Variants in ALKBH6 observed in about 807,000 individuals in gnomAD.
ALKBH6 encodes the protein alkB homolog 6, nucleotide demethylase.
A neutral mutation model predicts 25.1 loss-of-function variants in ALKBH6; 20 were observed. The observed-to-expected ratio is 0.80, with a 90% CI of 0.56 to 1.16. The LOEUF is 1.16. Ranked by LOEUF, ALKBH6 falls within the 50% of genes most tolerant of loss-of-function variation. The pLI is 0.00. For missense variants in ALKBH6, 263 were observed against 326.5 expected (o/e 0.81, Z 1.50); for synonymous variants, 156 against 147.5 (o/e 1.06, Z -0.42).
chr19:36,013,553 G>C lies in ALKBH6; in HGVS notation c.-25-131C>G. ...GAAACGCACTTGGTCTCTAAAATCT[G>C]AGTCTTCAGCATCTTACAAGCCACA... On this transcript the variant is annotated intron_variant, in intron 1 of 6. Transcript: ENST00000378875. The surrounding 1 kb of genome is among the most constrained non-coding windows in gnomAD (Gnocchi z 4.6). 1.4e-6 allele frequency: 2 copies of C among 1,469,518 alleles called. No individual in the cohort carries two copies. The highest frequency in any genetic ancestry group is 1.8e-6 in the Non-Finnish European group (2 of 1,113,344). 91.0% of individuals were successfully genotyped at this position (1,469,518 alleles called of 1,614,324 possible).
At position 36,009,415 on chromosome 19, in the gene ALKBH6, G is replaced by A; in HGVS notation, c.592C>T (p.Pro198Ser). The A allele has an allele frequency of 8.0e-7, 1 of 1,246,204 alleles. No homozygotes were observed. Among genetic ancestry groups the A allele is most frequent in the Non-Finnish European group, 1.0e-6 (1 of 996,726 alleles). The allele number at this position is 1,246,204 out of a possible 1,614,324, so 77.2% of individuals were successfully genotyped here. Residue 198 changes from proline to serine, a missense_variant, in exon 7 of 7, where the codon CCG becomes TCG. By Grantham distance (74) the Pro-to-Ser change is moderately conservative. Around this residue, in one of 3 missense-constraint regions of ALKBH6, gnomAD observed 148 missense variants for 157.5 expected, o/e 0.94. Coordinates refer to ENST00000378875, the MANE Select transcript of ALKBH6 (RefSeq NM_032878.5). ...RVDALDAASS[P>S]PNAAACPSAR... ...GACGGGCAGGCTGCCGCATTGGGCGGCGAGGAGGCGGCGTCCAGCGCGTCT... is the reference window on the plus strand; with the variant it reads ...GACGGGCAGGCTGCCGCATTGGGCGACGAGGAGGCGGCGTCCAGCGCGTCT...
At position 36,009,236 on chromosome 19, in the gene ALKBH6, A is replaced by G; in HGVS notation, c.*54T>C. The G allele has an allele frequency of 7.9e-7, 1 of 1,272,424 alleles. No homozygotes were observed. The highest frequency in any genetic ancestry group is 3.2e-5 in the East Asian group (1 of 31,700). 78.8% of individuals were successfully genotyped at this position (1,272,424 alleles called of 1,614,324 possible). A position where few individuals can be genotyped will look rare whatever the true frequency, so the allele number is the denominator to read the frequency against. ...CACGGTTCCTAGGTCGCGGAGTCAC[A>G]GCAGCCCCAAAGGGGCAGGAACCTG... On this transcript the variant is annotated 3_prime_UTR_variant, in exon 7 of 7. Transcript: ENST00000378875.
intron 3 of ALKBH6, chr19:36,011,887 A>G (rs1968620636): frequency 1.3e-5 from 2 of 158,886 alleles, no homozygotes; most frequent in African/African-American, 4.8e-5. Flanking sequence ...GGAGCTCGAG[A>G]CCAGCCTGGC....
At chr19:36,011,093 C>A (rs1474373696) in intron 4 of ALKBH6, 48 bp from the exon 5 acceptor site, 3 of 1,554,252 alleles carry the variant, frequency 1.9e-6, no homozygotes, top group Non-Finnish European at 1.7e-6. Context: ...GCAATAGATC[C>A]CCCATTAGGG....
Position 36,010,660 on chromosome 19 carries a change from G to C in ALKBH6, c.360C>G (p.Tyr120Ter). Residue 120 changes from tyrosine to a stop codon, truncating the protein, a stop_gained, in exon 6 of 7, where the codon TAC becomes TAG. Coordinates refer to ENST00000378875, the MANE Select transcript of ALKBH6 (RefSeq NM_032878.5). LOFTEE classifies it high-confidence loss of function. The surrounding 1 kb of genome is among the most constrained non-coding windows in gnomAD (Gnocchi z 5.5). ...GIMPHEDGPL[Y>*]YPTVSTISLG... ...GGCTGATGGTGCTGACAGTCGGGTA[G>C]TACAGTGGTCCGTCCTCGTGGGGCT... The C allele has an allele frequency of 1.2e-6, 2 of 1,614,030 alleles. No individual in the cohort carries two copies. Among genetic ancestry groups the C allele is most frequent in the Non-Finnish European group, 1.7e-6 (2 of 1,179,934 alleles).
Position 36,009,214 on chromosome 19 carries a change from G to T in ALKBH6, c.*76C>A, listed in dbSNP as rs528694221. On this transcript the variant is annotated 3_prime_UTR_variant, in exon 7 of 7. Transcript: ENST00000378875. ...ACCCAGGGGAGCCCCCTTTGCCCACGGTTCCTAGGTCGCGGAGTCACAGCA... is the reference window on the plus strand; with the variant it reads ...ACCCAGGGGAGCCCCCTTTGCCCACTGTTCCTAGGTCGCGGAGTCACAGCA... 11 of 1,242,516 alleles carry T rather than the reference G, an allele frequency of 8.9e-6. No homozygotes were observed. Among genetic ancestry groups the T allele is most frequent in the Non-Finnish European group, 1.1e-5 (11 of 993,862 alleles). 77.0% of individuals were successfully genotyped at this position (1,242,516 alleles called of 1,614,324 possible).
In ALKBH6 at chr19:36,013,533, G is replaced by A; in HGVS notation, c.-25-111C>T. ...CCTCACCTCAGCCCTCTTCTGAAAC[G>A]CACTTGGTCTCTAAAATCTGAGTCT... On this transcript the variant is annotated intron_variant, in intron 1 of 6. Transcript: ENST00000378875. The surrounding 1 kb of genome is among the most constrained non-coding windows in gnomAD (Gnocchi z 4.6). 3 of 1,506,332 alleles carry A rather than the reference G, an allele frequency of 2.0e-6. No homozygotes were observed. The highest frequency in any genetic ancestry group is 1.8e-6 in the Non-Finnish European group (2 of 1,130,214). The allele number at this position is 1,506,332 out of a possible 1,614,324, so 93.3% of individuals were successfully genotyped here.
intron 4 of ALKBH6, 108 bp downstream of exon 4, chr19:36,011,296 C>A (rs1453951414): frequency 2.9e-6 from 4 of 1,392,266 alleles, no homozygotes; most frequent in Non-Finnish European, 2.0e-6. Flanking sequence ...GCTCTTGGGG[C>A]CCCTTGAGCT....
chr19:36,013,270 A>AG lies in ALKBH6; in HGVS notation c.54+73dup. Reference sequence around the variant, plus strand: ...TGACAGTAAGAATGAATTTGGTGGAAGGGGGCAGTCCCAACCCAAGAACTC... The same window carrying AG: ...TGACAGTAAGAATGAATTTGGTGGAAGGGGGGCAGTCCCAACCCAAGAACTC... On this transcript the variant is annotated intron_variant, in intron 2 of 6. Coordinates refer to ENST00000378875, the MANE Select transcript of ALKBH6 (RefSeq NM_032878.5). The surrounding 1 kb of genome is among the most constrained non-coding windows in gnomAD (Gnocchi z 4.6). 1 of 1,578,980 alleles carries AG rather than the reference A, an allele frequency of 6.3e-7. No homozygotes were observed. Among genetic ancestry groups the AG allele is most frequent in the South Asian group, 1.1e-5 (1 of 89,940 alleles).
chr19:36,010,940 GC>G lies in ALKBH6; in HGVS notation c.289del (p.Ala97LeufsTer6). The part of the protein sequence containing the change: ...SNLSLFGGLP[A>X]NHVLVNQYLP... ...ATACTGGTTCACGAGGACATGGTTA[GC>G]TGGGAGGCCTCCAAAGAGGCTGAGG... On this transcript the variant is annotated frameshift_variant, in exon 5 of 7. Coordinates refer to ENST00000378875, the MANE Select transcript of ALKBH6 (RefSeq NM_032878.5). LOFTEE classifies it high-confidence loss of function. This position sits in a 1 kb window ranked among gnomAD's most constrained non-coding sequence, Gnocchi z 5.5. 1 of 1,614,096 alleles carries G rather than the reference GC, an allele frequency of 6.2e-7. No homozygotes were observed. Among genetic ancestry groups the G allele is most frequent in the Non-Finnish European group, 8.5e-7 (1 of 1,179,974 alleles).
chr19:36,010,957 G>A lies in ALKBH6; in HGVS notation c.273C>T (p.Leu91=). The change falls in exon 5 of 7, where the codon CTC becomes CTT. Residue 91 remains leucine, a synonymous_variant. Coordinates refer to ENST00000378875, the MANE Select transcript of ALKBH6 (RefSeq NM_032878.5). This position sits in a 1 kb window ranked among gnomAD's most constrained non-coding sequence, Gnocchi z 5.5. ...RYVDKVSNLS[L]FGGLPANHVL... ...CATGGTTAGCTGGGAGGCCTCCAAA[G>A]AGGCTGAGGTTTGACACTTTGTCCA... 6.2e-7 allele frequency: 1 copy of A among 1,614,088 alleles called. No individual in the cohort carries two copies. The highest frequency in any genetic ancestry group is 8.5e-7 in the Non-Finnish European group (1 of 1,179,968).
chr19:36,012,886 G>T, intron 3 of ALKBH6, 135 bp downstream of exon 3: 2 of 842,712 alleles, frequency 2.4e-6, no homozygotes, highest in Non-Finnish European at 4.0e-6. Context: ...AGTAGAGGGA[G>T]TATGAGCTCT....
chr19:36,013,816 G>T lies in ALKBH6; in HGVS notation c.-26+359C>A. 7.8e-7 allele frequency: 1 copy of T among 1,281,788 alleles called. No homozygotes were observed. The highest frequency in any genetic ancestry group is 9.9e-7 in the Non-Finnish European group (1 of 1,013,676). 79.4% of individuals were successfully genotyped at this position (1,281,788 alleles called of 1,614,324 possible). A position where few individuals can be genotyped will look rare whatever the true frequency, so the allele number is the denominator to read the frequency against. Reference sequence around the variant, plus strand: ...CCCCGCTTCAGACCTGCAACTGTGAGCCCGGCTATCAACACTCAGCGACCC... The same window carrying T: ...CCCCGCTTCAGACCTGCAACTGTGATCCCGGCTATCAACACTCAGCGACCC... On this transcript the variant is annotated intron_variant, in intron 1 of 6. Coordinates refer to ENST00000378875, the MANE Select transcript of ALKBH6 (RefSeq NM_032878.5). This position sits in a 1 kb window ranked among gnomAD's most constrained non-coding sequence, Gnocchi z 4.6.
At chr19:36,011,992 A>C (rs1461909015) in intron 3 of ALKBH6, 1 of 153,588 alleles carries the variant, frequency 6.5e-6, no homozygotes, top group Non-Finnish European at 1.5e-5. Flanking sequence ...AGGATGAGAC[A>C]GGAGAATCGC....
In ALKBH6 at chr19:36,009,562, C is replaced by T. The variant is rs111594022; in HGVS notation, c.454-9G>A. ...CGGGGCGGAGGCCGAGGCTGCAGGGCGGGTTGAGGGTCAGCAGGGCTCAAG... is the reference window on the plus strand; with the variant it reads ...CGGGGCGGAGGCCGAGGCTGCAGGGTGGGTTGAGGGTCAGCAGGGCTCAAG... On this transcript the variant is annotated splice_polypyrimidine_tract_variant and intron_variant, in intron 6 of 6. Coordinates refer to ENST00000378875, the MANE Select transcript of ALKBH6 (RefSeq NM_032878.5). 4.3e-3 allele frequency: 2,053 copies of T among 482,546 alleles called. 25 individuals are homozygous for T. The African/African-American group carries it at 0.094, about 22-fold the overall frequency. 29.9% of individuals were successfully genotyped at this position (482,546 alleles called of 1,614,324 possible). A position where few individuals can be genotyped will look rare whatever the true frequency, so the allele number is the denominator to read the frequency against.
At chr19:36,011,349 C>T (rs1968606935) in intron 4 of ALKBH6, 55 bp downstream of exon 4, 3 of 1,595,142 alleles carry the variant, frequency 1.9e-6, no homozygotes, top group East Asian at 4.5e-5. Flanking sequence ...GACCTGAGTC[C>T]CCTGCCCCAG....
chr19:36,012,642 A>G, intron 3 of ALKBH6: 1 of 180,372 alleles, frequency 5.5e-6, no homozygotes, highest in Non-Finnish European at 1.2e-5. Flanking sequence ...CCAAACCTTA[A>G]GAACAGAATG....
chr19:36,014,208 A>G lies in ALKBH6; in HGVS notation c.-59T>C. The stretch of plus-strand genomic sequence containing the variant: ...AGCGTCCCCTCCAATTTCCAAATTC[A>G]ACATCCCCATCCCCCTCCCAGCCAT... On this transcript the variant is annotated 5_prime_UTR_variant, in exon 1 of 7. Coordinates refer to ENST00000378875, the MANE Select transcript of ALKBH6 (RefSeq NM_032878.5). 6.2e-7 allele frequency: 1 copy of G among 1,612,046 alleles called. No homozygotes were observed. The highest frequency in any genetic ancestry group is 8.5e-7 in the Non-Finnish European group (1 of 1,178,994).
In ALKBH6 at chr19:36,013,464, G is replaced by A. The variant is rs530505068; in HGVS notation, c.-25-42C>T. On this transcript the variant is annotated intron_variant, in intron 1 of 6. Transcript: ENST00000378875. The surrounding 1 kb of genome is among the most constrained non-coding windows in gnomAD (Gnocchi z 4.6). ...ACATACTGAAGTCACTAGGCCTCCC[G>A]CCCTAACACCATGATGCAGCATTCC... is the stretch of plus-strand genomic sequence containing the variant. The A allele has an allele frequency of 3.4e-4, 554 of 1,610,338 alleles. 1 individual carries two copies. The highest frequency in any genetic ancestry group is 2.6e-4 in the Non-Finnish European group (303 of 1,178,086).
Sources: gnomAD v4.1 joint callset for allele counts on GRCh38, gnomAD v4.1.1 for gene constraint, gnomAD v4.1.1 regional missense constraint, Gnocchi (gnomAD v3.1) non-coding constraint, MANE v1.5 for transcripts, NCBI Gene and HGNC (gene_info 2026-07-23, HGNC 2026-07-21) for gene names.